Variants in SLC22A15 observed in about 807,000 individuals in gnomAD.
The protein encoded by SLC22A15 is solute carrier family 22 member 15.
In SLC22A15, 45 loss-of-function variants were observed where a neutral mutation model predicts 62.7. The observed-to-expected ratio is 0.72, with a 90% CI of 0.56 to 0.92. The LOEUF (loss-of-function observed/expected upper bound fraction) is 0.92, where lower values mean the gene tolerates loss of function less well. SLC22A15 is among the 40% of genes least tolerant of loss of function. SLC22A15 has a pLI of 0.00. For synonymous variants in SLC22A15, 264 were observed against 267.0 expected (o/e 0.99, Z 0.11); for missense variants, 622 against 665.6 (o/e 0.93, Z 0.72).
intron 2 of SLC22A15, among the ~76,000 whole-genome samples, chr1:116,014,295 C>A (rs1464942100): frequency 6.6e-6 from 1 of 152,158 alleles, no homozygotes; most frequent in African/African-American, 2.4e-5. Flanking sequence ...TTAGAGGCAC[C>A]TGCTATTGGT....
At chr1:116,015,261 T>G (rs1227451126) in intron 2 of SLC22A15, 1 of 152,228 alleles carries the variant, frequency 6.6e-6, no homozygotes, top group African/African-American at 2.4e-5. Flanking sequence ...TTCTCTAATT[T>G]GCTTTTGAAA....
chr1:116,067,084 T>A lies in SLC22A15; in HGVS notation c.1620T>A (p.Asp540Glu). Residue 540 changes from aspartate to glutamate, a missense_variant, in exon 12 of 12, where the codon GAT becomes GAA. Asp to Glu is a conservative substitution (Grantham distance 45). Coordinates refer to ENST00000369503, the MANE Select transcript of SLC22A15 (RefSeq NM_018420.3). Reference protein sequence around the residue: ...SEEEEEFYDADEETQMIK With the variant: ...SEEEEEFYDAEEETQMIK The stretch of plus-strand genomic sequence containing the variant: ...AAGAGGAAGAATTTTATGATGCAGA[T>A]GAAGAGACTCAGATGATCAAGTGAA... 6.2e-7 allele frequency: 1 copy of A among 1,612,084 alleles called. No homozygotes were observed. The highest frequency in any genetic ancestry group is 8.5e-7 in the Non-Finnish European group (1 of 1,179,212).
At chr1:115,977,702 G>GGGCA (rs1480611864) in intron 1 of SLC22A15, among the ~76,000 whole-genome samples, 1 of 152,182 alleles carries the variant, frequency 6.6e-6, no homozygotes, top group East Asian at 1.9e-4. Flanking sequence ...GCTGCGGGTG[G>GGGCA]GGCAGGCAGA....
chr1:115,991,302 T>C (rs1021172672), intron 1 of SLC22A15, among the ~76,000 whole-genome samples: 8 of 152,182 alleles, frequency 5.3e-5, no homozygotes, highest in Admixed American at 3.9e-4. Flanking sequence ...AAATATTTCT[T>C]GAATGAATGT....
At chr1:116,032,125 A>G in intron 6 of SLC22A15, 4 of 985,416 alleles carry the variant, frequency 4.1e-6, no homozygotes, top group Non-Finnish European at 4.8e-6. Context: ...CCTAAGCCAC[A>G]TATGTAAATC....
At chr1:116,033,135 A>G (rs539443429) in intron 6 of SLC22A15, among the ~76,000 whole-genome samples, 2 of 152,322 alleles carry the variant, frequency 1.3e-5, no homozygotes, top group Non-Finnish European at 2.9e-5. Flanking sequence ...ATAAAATTCT[A>G]AAATCTTCTC....
At chr1:115,993,346 G>T (rs1324660504) in intron 2 of SLC22A15, among the ~76,000 whole-genome samples, 9 of 151,796 alleles carry the variant, frequency 5.9e-5, no homozygotes, top group Non-Finnish European at 1.3e-4. Context: ...CTCACTTCTG[G>T]TTGCCATGCT....
At chr1:116,056,367 C>G (rs979275163) in intron 8 of SLC22A15, among the ~76,000 whole-genome samples, 2 of 145,052 alleles carry the variant, frequency 1.4e-5, no homozygotes, top group African/African-American at 5.1e-5. Context: ...AGGACCTCTT[C>G]AAGGAGAACT....
At position 116,052,631 on chromosome 1, in the gene SLC22A15, G is replaced by A. The variant is rs529457796; in HGVS notation, c.1172-10131G>A. Among the ~76,000 whole-genome samples the A allele has an allele frequency of 2.0e-4, 31 of 152,306 alleles. No homozygotes were observed. In the East Asian group the frequency reaches 3.5e-3, roughly 17 times the overall value. ...AGTGGGTCCCTGACCCCTGACCCCC[G>A]AGCAGCCTAACTGGGAGGCACCTCC... On this transcript the variant is annotated intron_variant, in intron 8 of 11. Transcript: ENST00000369503.
At chr1:115,980,953 G>A (rs1654581374) in intron 1 of SLC22A15, among the ~76,000 whole-genome samples, 1 of 152,142 alleles carries the variant, frequency 6.6e-6, no homozygotes, top group African/African-American at 2.4e-5. Flanking sequence ...ATATTCCTTT[G>A]ATCAATTATG....
rs1203086949 is a variant in SLC22A15, at chr1:116,068,520, CT to C, written c.*1415del. On this transcript the variant is annotated 3_prime_UTR_variant, in exon 12 of 12. Coordinates refer to ENST00000369503, the MANE Select transcript of SLC22A15 (RefSeq NM_018420.3). Reference sequence around the variant, plus strand: ...TGGTTTCCACTGTATCAGTATGTACCTTTGTAATTGTTATTTTTATGTCTTT... The same window carrying C: ...TGGTTTCCACTGTATCAGTATGTACCTTGTAATTGTTATTTTTATGTCTTT... 1.3e-5 allele frequency: 2 copies of C among 152,150 alleles called. No homozygotes were observed. The highest frequency in any genetic ancestry group is 1.3e-4 in the Admixed American group (2 of 15,268). 9.4% of individuals were successfully genotyped at this position (152,150 alleles called of 1,614,324 possible).
At position 116,010,911 on chromosome 1, in the gene SLC22A15, T is replaced by C. The variant is rs538866397; in HGVS notation, c.301-8671T>C. 4.6e-5 allele frequency among the ~76,000 whole-genome samples: 7 copies of C among 152,342 alleles called. No homozygotes were observed. The East Asian group carries it at 1.4e-3, about 29-fold the overall frequency. ...TGACCTCCAGCAACAAGAGGCTCGA[T>C]CAATAGGCACGGGCCCAGTCTTGTT... is the stretch of plus-strand genomic sequence containing the variant. On this transcript the variant is annotated intron_variant, in intron 2 of 11. Transcript: ENST00000369503.
chr1:116,034,537 G>A (rs368988147), intron 6 of SLC22A15, among the ~76,000 whole-genome samples: 31 of 152,114 alleles, frequency 2.0e-4, no homozygotes, highest in African/African-American at 6.5e-4. Flanking sequence ...ACCCTTCCTC[G>A]GTTGTTCCTC....
chr1:115,996,389 TG>T (rs1655426164), intron 2 of SLC22A15, among the ~76,000 whole-genome samples: 1 of 152,166 alleles, frequency 6.6e-6, no homozygotes, highest in Non-Finnish European at 1.5e-5. Flanking sequence ...GTGTTAAACC[TG>T]CATATCAATT....
chr1:116,026,257 C>CA (rs57477952), intron 4 of SLC22A15, among the ~76,000 whole-genome samples: 378 of 141,192 alleles, frequency 2.7e-3, no homozygotes, highest in East Asian at 5.9e-3. Context: ...AATAAAAATA[C>CA]AAAAAAAAAA....
At chr1:115,984,830 A>C (rs779072795) in intron 1 of SLC22A15, among the ~76,000 whole-genome samples, 62 of 152,264 alleles carry the variant, frequency 4.1e-4, no homozygotes, top group South Asian at 1.0e-3. Context: ...CTTAGGTTTT[A>C]ACAAATAAGT....
Position 115,992,825 on chromosome 1 carries a change from C to T in SLC22A15, c.300+582C>T, listed in dbSNP as rs150311320. Among the ~76,000 whole-genome samples, 41 of 152,008 alleles carry T rather than the reference C, an allele frequency of 2.7e-4. No homozygotes were observed. The East Asian group carries it at 7.0e-3, about 26-fold the overall frequency. On this transcript the variant is annotated intron_variant, in intron 2 of 11. Transcript: ENST00000369503. ...AGTTTTAATAGAGACGGGATTTCAC[C>T]ATGTTGACCAGGCTGCTCTTGGACT...
At chr1:116,000,136 G>T (rs574324256) in intron 2 of SLC22A15, among the ~76,000 whole-genome samples, 29 of 152,016 alleles carry the variant, frequency 1.9e-4, no homozygotes, top group Middle Eastern at 3.4e-3. Flanking sequence ...ACTTACTACT[G>T]CCCTTTTGTT....
chr1:116,031,748 G>A, intron 6 of SLC22A15, 167 bp downstream of exon 6: 1 of 1,435,316 alleles, frequency 7.0e-7, no homozygotes, highest in Non-Finnish European at 9.1e-7. Flanking sequence ...TTTTCTGCTT[G>A]CGCAGCCCCG....
Sources: allele counts gnomAD v4.1 joint callset (sites outside exome capture counted in the v4.1 genomes callset), GRCh38; gene constraint gnomAD v4.1.1; transcripts MANE v1.5; gene names NCBI Gene and HGNC (gene_info 2026-07-23, HGNC 2026-07-21).